The following CDH8 variants were observed in gnomAD, a reference collection of about 807,000 sequenced individuals.
CDH8 encodes cadherin-8.
In CDH8, 17 loss-of-function variants were observed where a neutral mutation model predicts 68.1. The observed-to-expected ratio is 0.25, with a 90% CI of 0.17 to 0.37. The LOEUF (loss-of-function observed/expected upper bound fraction) is 0.37, where lower values mean the gene tolerates loss of function less well. Ranked by LOEUF, CDH8 falls within the 10% of genes least tolerant of loss-of-function variation. The pLI is 1.00. For missense variants in CDH8, 763 were observed against 999.3 expected, an observed-to-expected ratio of 0.76 and a Z score of 3.19; for synonymous variants, 372 against 365.1, an observed-to-expected ratio of 1.02 and a Z score of -0.21.
intron 8 of CDH8, among the ~76,000 whole-genome samples, chr16:61,748,621 A>C (rs374550662): frequency 2.4e-4 from 37 of 152,164 alleles, no homozygotes; most frequent in Middle Eastern, 3.4e-3. Context: ...TAGTCCTTCT[A>C]AATGTCGTTT....
At position 61,650,745 on chromosome 16, in the gene CDH8, G is replaced by GAGAA. The variant is rs1963306273; in HGVS notation, c.*2862_*2863insTTCT. 1 of 151,548 alleles carries GAGAA rather than the reference G, an allele frequency of 6.6e-6. No homozygotes were observed. The highest frequency in any genetic ancestry group is 2.4e-5 in the African/African-American group (1 of 41,192). The allele number at this position is 151,548 out of a possible 1,614,324, so 9.4% of individuals were successfully genotyped here. A position where few individuals can be genotyped will look rare whatever the true frequency, so the allele number is the denominator to read the frequency against. On this transcript the variant is annotated 3_prime_UTR_variant, in exon 12 of 12. Transcript: ENST00000577390. The stretch of plus-strand genomic sequence containing the variant: ...AGAGAGAGAGAGAAAGAGAGAAAGA[G>GAGAA]AGAGATAGTTCCTGAGATTTTTAGT...
At chr16:61,677,021 CA>C (rs1963925961) in intron 10 of CDH8, among the ~76,000 whole-genome samples, 1 of 151,940 alleles carries the variant, frequency 6.6e-6, no homozygotes, top group South Asian at 2.1e-4. Context: ...AACTATACCA[CA>C]AAAAAAGATG....
intron 2 of CDH8, among the ~76,000 whole-genome samples, chr16:61,956,879 C>T (rs1340358409): frequency 6.6e-6 from 1 of 152,136 alleles, no homozygotes; most frequent in African/African-American, 2.4e-5. Context: ...CCTGCATTCT[C>T]TCCAACCCAC....
intron 11 of CDH8, among the ~76,000 whole-genome samples, chr16:61,654,757 C>G (rs1428973170): frequency 6.6e-6 from 1 of 152,054 alleles, no homozygotes; most frequent in Non-Finnish European, 1.5e-5. Flanking sequence ...TGCTTAAATC[C>G]AAGACACTGG....
chr16:62,011,393 C>A (rs1901809399), intron 2 of CDH8, among the ~76,000 whole-genome samples: 1 of 152,170 alleles, frequency 6.6e-6, no homozygotes, highest in South Asian at 2.1e-4. Context: ...GGAAGGAGTC[C>A]CATCAGCCCA....
chr16:61,846,277 T>C (rs1463238548), intron 4 of CDH8, among the ~76,000 whole-genome samples: 1 of 152,126 alleles, frequency 6.6e-6, no homozygotes, highest in Admixed American at 6.6e-5. Flanking sequence ...ATGTTTCCTT[T>C]ATGACACTTT....
chr16:61,936,532 G>C (rs1056835111), intron 2 of CDH8, among the ~76,000 whole-genome samples: 1 of 152,158 alleles, frequency 6.6e-6, no homozygotes. Context: ...TAGCTACGAA[G>C]AGCAATGTGA....
intron 2 of CDH8, among the ~76,000 whole-genome samples, chr16:61,926,558 G>A (rs1402546691): frequency 6.6e-6 from 1 of 152,072 alleles, no homozygotes; most frequent in Non-Finnish European, 1.5e-5. Flanking sequence ...ATATCCTTAG[G>A]GTTCTGTGAC....
chr16:61,768,171 T>G (rs573547906), intron 8 of CDH8, among the ~76,000 whole-genome samples: 2 of 151,932 alleles, frequency 1.3e-5, no homozygotes, highest in Non-Finnish European at 2.9e-5. Flanking sequence ...AATCACCAAG[T>G]GATTTGAAAA....
In CDH8 at chr16:61,648,601, T is replaced by G. The variant is rs1006865058; in HGVS notation, c.*5007A>C. 2 of 150,364 alleles carry G rather than the reference T, an allele frequency of 1.3e-5. No individual in the cohort carries two copies. Among genetic ancestry groups the G allele is most frequent in the Non-Finnish European group, 3.0e-5 (2 of 67,180 alleles). 9.3% of individuals were successfully genotyped at this position (150,364 alleles called of 1,614,324 possible). A position where few individuals can be genotyped will look rare whatever the true frequency, so the allele number is the denominator to read the frequency against. ...ACTTAAACCCAGACTCAAATAGTAT[T>G]TATCCATAGATAAAAAAAAAATTCA... On this transcript the variant is annotated 3_prime_UTR_variant, in exon 12 of 12. Coordinates refer to ENST00000577390, the MANE Select transcript of CDH8 (RefSeq NM_001796.5).
Position 61,901,229 on chromosome 16 carries a change from T to G in CDH8, c.497A>C (p.Glu166Ala), listed in dbSNP as rs1963965024. 6.2e-7 allele frequency: 1 copy of G among 1,614,000 alleles called. No individual in the cohort carries two copies. Among genetic ancestry groups the G allele is most frequent in the Non-Finnish European group, 8.5e-7 (1 of 1,179,944 alleles). ...AGCATGATAGGGTCCATTAAGAAAC[T>G]CTGGTGCATTGTCATTGATGTCTTG... ...KVQDINDNAPEFLNGPYHATV... is the reference protein window; with the variant it reads ...KVQDINDNAPAFLNGPYHATV... Residue 166 changes from glutamate (E) to alanine (A), a missense_variant, in exon 3 of 12, where the codon GAG becomes GCG. Physicochemically the swap from Glu to Ala is moderately radical, Grantham distance 107. This residue lies in a region of CDH8 where 366 missense variants were observed against 563.1 expected (regional missense o/e 0.65). Coordinates refer to ENST00000577390, the MANE Select transcript of CDH8 (RefSeq NM_001796.5).
intron 10 of CDH8, among the ~76,000 whole-genome samples, chr16:61,665,463 T>A (rs1206569043): frequency 6.6e-6 from 1 of 151,502 alleles, no homozygotes; most frequent in Non-Finnish European, 1.5e-5. Flanking sequence ...TGAGAACACA[T>A]GGACACAGGC....
At chr16:61,841,195 T>A (rs9922779) in intron 4 of CDH8, among the ~76,000 whole-genome samples, 82,239 of 151,978 alleles carry the variant, frequency 0.54, 24,696 homozygotes, top group African/African-American at 0.82. Flanking sequence ...CCTTCGATAT[T>A]CTTATTTCCT....
At chr16:61,654,222 A>C (rs774195183) in intron 11 of CDH8, 121 bp from the exon 12 acceptor site, 84 of 765,220 alleles carry the variant, frequency 1.1e-4, no homozygotes, top group Non-Finnish European at 1.7e-4. Context: ...CACCTTTAAT[A>C]ATATTTACTA....
At chr16:61,788,069 C>G (rs1456354540) in intron 8 of CDH8, among the ~76,000 whole-genome samples, 3 of 150,700 alleles carry the variant, frequency 2.0e-5, no homozygotes, top group African/African-American at 7.4e-5. Context: ...GCACATGTAC[C>G]CTAAAACTTA....
chr16:61,710,347 A>C (rs1049833277), intron 10 of CDH8, among the ~76,000 whole-genome samples: 18 of 152,150 alleles, frequency 1.2e-4, no homozygotes, highest in African/African-American at 4.1e-4. Context: ...GACAATGCAT[A>C]AATTATACTC....
At chr16:61,926,127 A>C (rs1411667143) in intron 2 of CDH8, among the ~76,000 whole-genome samples, 1 of 151,124 alleles carries the variant, frequency 6.6e-6, no homozygotes, top group Non-Finnish European at 1.5e-5. Flanking sequence ...CAGAATCATA[A>C]AATGTTGATT....
At chr16:61,894,671 T>C (rs925594829) in intron 3 of CDH8, among the ~76,000 whole-genome samples, 2 of 152,158 alleles carry the variant, frequency 1.3e-5, no homozygotes, top group African/African-American at 2.4e-5. Flanking sequence ...GTGTTTTCTA[T>C]GAGCATTCCT....
At chr16:61,714,028 T>G (rs1171712526) in intron 9 of CDH8, 70 bp from the exon 10 acceptor site, 16 of 923,584 alleles carry the variant, frequency 1.7e-5, no homozygotes, top group Non-Finnish European at 2.1e-5. Flanking sequence ...AAAAGCTTAG[T>G]GACATTCTTT....
Sources: allele counts gnomAD v4.1 joint callset (sites outside exome capture counted in the v4.1 genomes callset), GRCh38; gene constraint gnomAD v4.1.1; regional missense constraint gnomAD v4.1.1; transcripts MANE v1.5; gene names NCBI Gene and HGNC (gene_info 2026-07-23, HGNC 2026-07-21).